Variants in COL4A5 observed in about 807,000 individuals in gnomAD.
COL4A5 encodes the protein collagen alpha-5(IV) chain.
A neutral mutation model predicts 130.2 loss-of-function variants in COL4A5; 26 were observed. The observed-to-expected ratio is 0.20, with a 90% CI of 0.15 to 0.28. The LOEUF (loss-of-function observed/expected upper bound fraction) is 0.28, where lower values mean the gene tolerates loss of function less well. Among genes scored for constraint, COL4A5 ranks in the 10% least tolerant of loss-of-function variants. COL4A5 has a pLI of 1.00. For missense variants in COL4A5, 1,131 were observed against 1,344.3 expected (o/e 0.84, Z 2.48); for synonymous variants, 496 against 439.6 (o/e 1.13, Z -1.60).
chrX:108,546,808 C>A (rs1372888379), intron 2 of COL4A5, among the ~76,000 whole-genome samples: 6 of 111,538 alleles, frequency 5.4e-5, no homozygotes, highest in Non-Finnish European at 1.1e-4. Flanking sequence ...TTGTTCGTTT[C>A]TTTTTATTCT....
chrX:108,519,471 T>C (rs1334513826), intron 1 of COL4A5, among the ~76,000 whole-genome samples: 2 of 111,213 alleles, frequency 1.8e-5, no homozygotes, highest in Middle Eastern at 4.3e-3. Flanking sequence ...TAATTTTTGC[T>C]TTATCAACAT....
intron 1 of COL4A5, among the ~76,000 whole-genome samples, chrX:108,529,636 G>T (rs2065359694): frequency 1.8e-5 from 2 of 110,977 alleles, no homozygotes; most frequent in South Asian, 7.6e-4. Context: ...AAAACATGAT[G>T]CAACTATATG....
chrX:108,547,526 G>T (rs1052504826), intron 2 of COL4A5, among the ~76,000 whole-genome samples: 1 of 111,985 alleles, frequency 8.9e-6, no homozygotes, highest in African/African-American at 3.3e-5. Flanking sequence ...CCTACTGGGG[G>T]TTGCGTCCCA....
chrX:108,441,789 AAT>A (rs1318115464), intron 1 of COL4A5, among the ~76,000 whole-genome samples: 1 of 111,710 alleles, frequency 9.0e-6, no homozygotes, highest in Non-Finnish European at 1.9e-5. Context: ...TGTTTGATTA[AAT>A]ATATATATGT....
At chrX:108,450,697 C>T (rs2064501122) in intron 1 of COL4A5, among the ~76,000 whole-genome samples, 2 of 110,892 alleles carry the variant, frequency 1.8e-5, no homozygotes, top group Non-Finnish European at 3.8e-5. Flanking sequence ...TTTGGAAGCT[C>T]TGCATAGGTC....
intron 30 of COL4A5, 46 bp downstream of exon 30, chrX:108,615,070 C>T (rs751635210): frequency 5.6e-6 from 5 of 892,891 alleles, no homozygotes; most frequent in Non-Finnish European, 1.6e-6. Context: ...ATAATATATA[C>T]ATTTGTTAGC....
chrX:108,622,439 C>T (rs2067074266), intron 32 of COL4A5, among the ~76,000 whole-genome samples: 1 of 112,068 alleles, frequency 8.9e-6, no homozygotes, highest in Admixed American at 9.4e-5. Flanking sequence ...CTGGATTAAG[C>T]ATTAATTTTT....
At chrX:108,465,534 C>T (rs1022640303) in intron 1 of COL4A5, among the ~76,000 whole-genome samples, 1 of 111,753 alleles carries the variant, frequency 8.9e-6, no homozygotes, top group African/African-American at 3.2e-5. Context: ...GTATTTTTCC[C>T]ATTCTGTGGG....
At chrX:108,460,958 T>C (rs1286473908) in intron 1 of COL4A5, among the ~76,000 whole-genome samples, 1 of 110,998 alleles carries the variant, frequency 9.0e-6, no homozygotes, top group Non-Finnish European at 1.9e-5. Flanking sequence ...TTTAGACATA[T>C]CATTTTTCTC....
intron 1 of COL4A5, among the ~76,000 whole-genome samples, chrX:108,536,281 G>A (rs557158035): frequency 1.2e-3 from 136 of 109,640 alleles, no homozygotes; most frequent in African/African-American, 4.0e-3. Flanking sequence ...GTGTGTGTGT[G>A]CACGTGCTTG....
chrX:108,676,794 T>A (rs904524542), intron 43 of COL4A5, among the ~76,000 whole-genome samples: 3 of 112,087 alleles, frequency 2.7e-5, no homozygotes, highest in African/African-American at 9.7e-5. Context: ...AATTTGATCT[T>A]AATCACAATG....
intron 1 of COL4A5, among the ~76,000 whole-genome samples, chrX:108,443,892 GT>G (rs1278406218): frequency 9.0e-6 from 1 of 111,655 alleles, no homozygotes; most frequent in East Asian, 2.8e-4. Context: ...ATAAATTATT[GT>G]TGTGACATTT....
chrX:108,681,576 T>C (rs1226627635), intron 46 of COL4A5, among the ~76,000 whole-genome samples, 184 bp from the exon 47 acceptor site: 1 of 112,078 alleles, frequency 8.9e-6, no homozygotes, highest in Admixed American at 9.5e-5. Flanking sequence ...CCTAAGAAAC[T>C]TATTTTTCAA....
intron 1 of COL4A5, among the ~76,000 whole-genome samples, chrX:108,452,543 C>A (rs866331204): frequency 8.9e-6 from 1 of 111,761 alleles, no homozygotes; most frequent in Non-Finnish European, 1.9e-5. Context: ...TCCTTCACAT[C>A]CCTTGTAAGT....
At chrX:108,636,873 T>C (rs1469973225) in intron 36 of COL4A5, among the ~76,000 whole-genome samples, 3 of 109,172 alleles carry the variant, frequency 2.7e-5, no homozygotes, top group Non-Finnish European at 5.7e-5. Flanking sequence ...GCATGTAAAT[T>C]AAACAAGACG....
intron 44 of COL4A5, among the ~76,000 whole-genome samples, 192 bp from the exon 45 acceptor site, chrX:108,680,487 A>C (rs938926454): frequency 9.0e-6 from 1 of 111,573 alleles, no homozygotes; most frequent in African/African-American, 3.3e-5. Context: ...TGAGGTGAGA[A>C]AACTATGAAT....
intron 1 of COL4A5, among the ~76,000 whole-genome samples, chrX:108,520,380 G>A (rs2065254224): frequency 3.6e-5 from 4 of 111,282 alleles, no homozygotes; most frequent in African/African-American, 1.3e-4. Flanking sequence ...ATTTCATGAG[G>A]CATTGTATTA....
At chrX:108,652,164 G>A (rs763434711) in intron 36 of COL4A5, among the ~76,000 whole-genome samples, 1 of 111,916 alleles carries the variant, frequency 8.9e-6, no homozygotes, top group South Asian at 3.7e-4. Flanking sequence ...CTTTGATTGT[G>A]CTTATGGTAT....
chrX:108,531,682 AC>A (rs1313144056), intron 1 of COL4A5, among the ~76,000 whole-genome samples: 1 of 111,155 alleles, frequency 9.0e-6, no homozygotes, highest in Non-Finnish European at 1.9e-5. Flanking sequence ...TTGAAAAGAT[AC>A]ACAAAATTTG....
Sources: gnomAD v4.1 joint callset for allele counts (sites outside exome capture counted in the v4.1 genomes callset) on GRCh38, gnomAD v4.1.1 for gene constraint, MANE v1.5 for transcripts, NCBI Gene and HGNC (gene_info 2026-07-23, HGNC 2026-07-21) for gene names.